The following ARHGAP8 variants were observed in gnomAD, a reference collection of about 807,000 sequenced individuals.
The protein encoded by ARHGAP8 is rho GTPase-activating protein 8.
Under a neutral mutation model 46.1 loss-of-function variants are expected in ARHGAP8, and 62 were observed. The ratio of observed to expected loss-of-function variants is 1.34; its 90% CI spans 1.10 to 1.66. The LOEUF (loss-of-function observed/expected upper bound fraction) is 1.66. Among genes scored for constraint, ARHGAP8 ranks in the 40% most tolerant of loss-of-function variants. The pLI is 0.00. For missense variants in ARHGAP8, 923 were observed against 568.4 expected (o/e 1.62, Z -6.34); for synonymous variants, 375 against 243.1 (o/e 1.54, Z -5.05).
intron 1 of ARHGAP8, among the ~76,000 whole-genome samples, chr22:44,772,717 C>G (rs1225768261): frequency 1.3e-5 from 2 of 150,890 alleles, no homozygotes; most frequent in African/African-American, 4.9e-5. Context: ...TCCTTATCTT[C>G]TATTTTCTGG....
At chr22:44,766,922 G>A (rs866173236) in intron 1 of ARHGAP8, among the ~76,000 whole-genome samples, 21 of 152,340 alleles carry the variant, frequency 1.4e-4, no homozygotes, top group African/African-American at 2.6e-4. Flanking sequence ...TGGGGCTGCC[G>A]CAGGTGGAGT....
At chr22:44,860,106 G>A (rs1322837312) in intron 11 of ARHGAP8, among the ~76,000 whole-genome samples, 1 of 152,080 alleles carries the variant, frequency 6.6e-6, no homozygotes, top group East Asian at 1.9e-4. Flanking sequence ...TTTTGTTATT[G>A]GGGTCCTCTG....
Position 44,823,446 on chromosome 22 carries a change from A to G in ARHGAP8, c.485+977A>G, listed in dbSNP as rs558697667. Among the ~76,000 whole-genome samples, 8 of 152,234 alleles carry G rather than the reference A, an allele frequency of 5.3e-5. No homozygotes were observed. The South Asian group carries it at 6.2e-4, about 12-fold the overall frequency. On this transcript the variant is annotated intron_variant, in intron 6 of 11. Transcript: ENST00000356099. Reference sequence around the variant, plus strand: ...GCAAACATATGGGTGAAATATTGGGAGATCTGGAGGCAGTGAGAAGTCCCA... The same window carrying G: ...GCAAACATATGGGTGAAATATTGGGGGATCTGGAGGCAGTGAGAAGTCCCA...
intron 7 of ARHGAP8, 106 bp downstream of exon 7, chr22:44,825,699 C>T (rs954231148): frequency 7.7e-7 from 1 of 1,291,106 alleles, no homozygotes; most frequent in Non-Finnish European, 1.1e-6. Context: ...CTCCAGCAGC[C>T]AAGCTGAACC....
At chr22:44,759,374 A>G (rs968621662) in intron 1 of ARHGAP8, among the ~76,000 whole-genome samples, 10 of 152,148 alleles carry the variant, frequency 6.6e-5, no homozygotes, top group African/African-American at 2.2e-4. Flanking sequence ...CCCTCTCCCA[A>G]TCTGGGGTAG....
At chr22:44,845,127 G>A (rs1313295693) in intron 7 of ARHGAP8, 142 bp from the exon 8 acceptor site, 4 of 937,652 alleles carry the variant, frequency 4.3e-6, no homozygotes, top group South Asian at 1.7e-5. Context: ...TACTTCCTGA[G>A]GGCTGAGCCT....
chr22:44,815,220 GCTC>G (rs1219619658), intron 5 of ARHGAP8, among the ~76,000 whole-genome samples: 1 of 152,218 alleles, frequency 6.6e-6, no homozygotes, highest in Non-Finnish European at 1.5e-5. Flanking sequence ...TACAGGCAGT[GCTC>G]CATTCTCCCA....
intron 11 of ARHGAP8, among the ~76,000 whole-genome samples, chr22:44,860,866 G>A (rs2070444792): frequency 6.6e-6 from 1 of 152,248 alleles, no homozygotes; most frequent in Non-Finnish European, 1.5e-5. Context: ...AGGCTGTGCA[G>A]GGTGAGGAGA....
At chr22:44,783,348 G>GGCA (rs1569142691) in intron 1 of ARHGAP8, among the ~76,000 whole-genome samples, 2 of 151,622 alleles carry the variant, frequency 1.3e-5, no homozygotes, top group African/African-American at 2.4e-5. Context: ...AGAGGCAGGC[G>GGCA]GGCAGTCCAT....
At chr22:44,851,604 CACTTGAGTCCAAGA>C (rs1209777531) in intron 10 of ARHGAP8, among the ~76,000 whole-genome samples, 1 of 152,120 alleles carries the variant, frequency 6.6e-6, no homozygotes, top group Non-Finnish European at 1.5e-5. Context: ...GCAGAAAGAT[CACTTGAGTCCAAGA>C]GTTTGAGTCC....
rs2349859 is a variant in ARHGAP8, at chr22:44,860,332, G to T, written c.981+498G>T. Among the ~76,000 whole-genome samples the T allele has an allele frequency of 2.2e-3, 337 of 152,052 alleles. 1 individual carries two copies. Among genetic ancestry groups the T allele is most frequent in the African/African-American group, 7.7e-3 (320 of 41,492 alleles). The stretch of plus-strand genomic sequence containing the variant: ...TAGCAGTCCAAAAGCAAGGTGTGGC[G>T]GGCTGTGCTCCTTCCAGAGGCTCTA... On this transcript the variant is annotated intron_variant, in intron 11 of 11. Transcript: ENST00000356099.
rs572704796 is a variant in ARHGAP8 at position 44,753,839 on chromosome 22, C to T, written c.-72+1212C>T. On this transcript the variant is annotated intron_variant, in intron 1 of 11. Transcript: ENST00000356099. ...TTCCAGAGAGCTCTGTGCCGTCCCTCGCTTGCCTGTGAAATGCAGTGTTGG... is the reference window on the plus strand; with the variant it reads ...TTCCAGAGAGCTCTGTGCCGTCCCTTGCTTGCCTGTGAAATGCAGTGTTGG... Among the ~76,000 whole-genome samples the T allele has an allele frequency of 4.0e-5, 6 of 151,696 alleles. No individual in the cohort carries two copies. In the South Asian group the frequency reaches 6.3e-4, roughly 16 times the overall value.
intron 10 of ARHGAP8, among the ~76,000 whole-genome samples, chr22:44,858,516 T>C (rs2147191681): frequency 7.1e-6 from 1 of 140,922 alleles, no homozygotes; most frequent in Middle Eastern, 4.0e-3. Flanking sequence ...ATTACAGGTG[T>C]GTGCCACCAT....
At position 44,831,631 on chromosome 22, in the gene ARHGAP8, G is replaced by A. The variant is rs146842367; in HGVS notation, c.596+6038G>A. ...GGAGAATCGCTTGAACCTGGGAGGCGGAGGTTGCAGTGAGCCAAGATCATG... is the reference window on the plus strand; with the variant it reads ...GGAGAATCGCTTGAACCTGGGAGGCAGAGGTTGCAGTGAGCCAAGATCATG... On this transcript the variant is annotated intron_variant, in intron 7 of 11. Transcript: ENST00000356099. Among the ~76,000 whole-genome samples the A allele has an allele frequency of 3.5e-3, 528 of 152,226 alleles. 4 individuals are homozygous for A. The highest frequency in any genetic ancestry group is 0.012 in the African/African-American group (495 of 41,526).
chr22:44,801,513 G>A (rs1005663822), intron 2 of ARHGAP8, among the ~76,000 whole-genome samples: 10 of 130,016 alleles, frequency 7.7e-5, no homozygotes, highest in African/African-American at 1.4e-4. Context: ...ACCTCTCCCC[G>A]CAGCTGTCTA....
chr22:44,763,903 T>C (rs1245506592), intron 1 of ARHGAP8, among the ~76,000 whole-genome samples: 1 of 149,890 alleles, frequency 6.7e-6, no homozygotes, highest in Non-Finnish European at 1.5e-5. Flanking sequence ...CTCCACCTCC[T>C]GGGTTCACGC....
intron 3 of ARHGAP8, 39 bp downstream of exon 3, chr22:44,802,203 C>T: frequency 2.5e-6 from 4 of 1,610,336 alleles, no homozygotes; most frequent in Non-Finnish European, 3.4e-6. Context: ...CCCTGTCTCT[C>T]CATGTTGCTT....
intron 10 of ARHGAP8, among the ~76,000 whole-genome samples, chr22:44,858,694 G>C (rs1231984141): frequency 6.6e-6 from 1 of 151,090 alleles, no homozygotes; most frequent in Non-Finnish European, 1.5e-5. Flanking sequence ...TGACTGGAAG[G>C]CTATGGAGCT....
At position 44,802,078 on chromosome 22, in the gene ARHGAP8, G is replaced by A. The variant is rs1928596149; in HGVS notation, c.81G>A (p.Gly27=). 2 of 1,614,032 alleles carry A rather than the reference G, an allele frequency of 1.2e-6. No individual in the cohort carries two copies. Among genetic ancestry groups the A allele is most frequent in the Non-Finnish European group, 8.5e-7 (1 of 1,179,986 alleles). ...VARHGILQVA[G]DDRFGRRVVT... ...GCTCACCTGTGTCTGCTCCTCCAGG[G>A]GATGACCGCTTTGGAAGACGTGTTG... is the stretch of plus-strand genomic sequence containing the variant. The change falls in exon 3 of 12, where the codon GGG becomes GGA. Residue 27 remains glycine (G), a splice_region_variant and synonymous_variant. Coordinates refer to ENST00000356099, the MANE Select transcript of ARHGAP8 (RefSeq NM_181335.3).
Sources: gnomAD v4.1 joint callset for allele counts (sites outside exome capture counted in the v4.1 genomes callset) on GRCh38, gnomAD v4.1.1 for gene constraint, MANE v1.5 for transcripts, NCBI Gene and HGNC (gene_info 2026-07-23, HGNC 2026-07-21) for gene names.